LUZP2: variants seen among roughly 807,000 people sequenced by gnomAD.
The protein encoded by LUZP2 is leucine zipper protein 2.
A neutral mutation model predicts 51.6 loss-of-function variants in LUZP2; 52 were observed. The ratio of observed to expected loss-of-function variants is 1.01; its 90% CI spans 0.81 to 1.27. The LOEUF (loss-of-function observed/expected upper bound fraction) is 1.27, where lower values mean the gene tolerates loss of function less well. Among genes scored for constraint, LUZP2 ranks in the 50% most tolerant of loss-of-function variants. The pLI is 0.00. For synonymous variants in LUZP2, 154 were observed against 137.3 expected (o/e 1.12, Z -0.85); for missense variants, 436 against 395.4 (o/e 1.10, Z -0.87).
rs775736788 is a variant in LUZP2 at position 24,897,905 on chromosome 11, G to A, written c.397-8086G>A. Among the ~76,000 whole-genome samples, 66 of 151,984 alleles carry A rather than the reference G, an allele frequency of 4.3e-4. 1 individual carries two copies. Among genetic ancestry groups the A allele is most frequent in the South Asian group, 1.9e-3 (9 of 4,812 alleles). On this transcript the variant is annotated intron_variant, in intron 5 of 11. Transcript: ENST00000336930. ...TTCCTTTTGCCTTGCCTTTAACATG[G>A]ATTCCTACGCTTTCTGGAAGAGAAT...
chr11:24,904,924 A>T (rs145691410), intron 5 of LUZP2, among the ~76,000 whole-genome samples: 2 of 152,210 alleles, frequency 1.3e-5, no homozygotes, highest in Admixed American at 6.5e-5. Flanking sequence ...GGAAAAAGAT[A>T]TTCCATGCAA....
chr11:24,498,848 A>C (rs972988191), intron 1 of LUZP2, among the ~76,000 whole-genome samples: 1 of 152,220 alleles, frequency 6.6e-6, no homozygotes, highest in Admixed American at 6.5e-5. Context: ...AAATAATAGG[A>C]AATATTTAAA....
At chr11:24,870,490 G>GACACAC (rs202205920) in intron 5 of LUZP2, among the ~76,000 whole-genome samples, 28,104 of 145,586 alleles carry the variant, frequency 0.19, 2,777 homozygotes, top group South Asian at 0.24. Context: ...CACACACACA[G>GACACAC]ACACACACAC....
At chr11:24,877,383 GA>G (rs993495770) in intron 5 of LUZP2, among the ~76,000 whole-genome samples, 1 of 151,630 alleles carries the variant, frequency 6.6e-6, no homozygotes, top group Admixed American at 6.6e-5. Flanking sequence ...AGTTGGATAA[GA>G]AAAAAATCAA....
Position 25,078,874 on chromosome 11 carries a change from TTG to T in LUZP2, c.*218_*219del. 1 of 468,250 alleles carries T rather than the reference TTG, an allele frequency of 2.1e-6. No individual in the cohort carries two copies. Among genetic ancestry groups the T allele is most frequent in the East Asian group, 4.0e-5 (1 of 24,772 alleles). 29.0% of individuals were successfully genotyped at this position (468,250 alleles called of 1,614,324 possible). On this transcript the variant is annotated 3_prime_UTR_variant, in exon 12 of 12. Coordinates refer to ENST00000336930, the MANE Select transcript of LUZP2 (RefSeq NM_001009909.4). ...TTGAATACCCACAGTCAGAAATATT[TTG>T]TTGTCAACAGTAAATTGTCCCATAT... is the stretch of plus-strand genomic sequence containing the variant.
chr11:24,560,337 A>G (rs1258188831), intron 1 of LUZP2, among the ~76,000 whole-genome samples: 1 of 152,194 alleles, frequency 6.6e-6, no homozygotes, highest in Non-Finnish European at 1.5e-5. Flanking sequence ...TTTAAAACAT[A>G]TTGTATAAAG....
At chr11:24,533,585 A>T (rs1469623294) in intron 1 of LUZP2, among the ~76,000 whole-genome samples, 1 of 151,226 alleles carries the variant, frequency 6.6e-6, no homozygotes. Flanking sequence ...TGTTCTCCTG[A>T]TATAAAGCAT....
chr11:24,804,932 C>A (rs902276530), intron 5 of LUZP2, among the ~76,000 whole-genome samples: 16 of 151,890 alleles, frequency 1.1e-4, no homozygotes, highest in Admixed American at 7.9e-4. Flanking sequence ...CTCTGCCTCC[C>A]AGGTTCAATC....
chr11:24,996,660 G>A (rs534256157), intron 9 of LUZP2, among the ~76,000 whole-genome samples: 2 of 145,084 alleles, frequency 1.4e-5, no homozygotes, highest in African/African-American at 5.3e-5. Context: ...GGGTGCATGT[G>A]CACAATGTGA....
At chr11:24,677,983 G>A (rs1044182172) in intron 1 of LUZP2, among the ~76,000 whole-genome samples, 13 of 144,294 alleles carry the variant, frequency 9.0e-5, no homozygotes, top group African/African-American at 3.3e-4. Context: ...CTTGCAGTGA[G>A]CCAAGATAGT....
chr11:24,521,125 C>T (rs536414614), intron 1 of LUZP2, among the ~76,000 whole-genome samples: 26 of 152,106 alleles, frequency 1.7e-4, no homozygotes, highest in Middle Eastern at 3.4e-3. Flanking sequence ...CCAAGGTGTG[C>T]GGATCACCTG....
chr11:24,603,369 C>T (rs1292019089), intron 1 of LUZP2, among the ~76,000 whole-genome samples: 1 of 151,808 alleles, frequency 6.6e-6, no homozygotes, highest in African/African-American at 2.4e-5. Flanking sequence ...AGGTTTAATT[C>T]ATTAACTTCC....
chr11:24,660,800 AT>A (rs200270885), intron 1 of LUZP2, among the ~76,000 whole-genome samples: 2 of 149,504 alleles, frequency 1.3e-5, no homozygotes, highest in Non-Finnish European at 1.5e-5. Context: ...TCCAAACCTT[AT>A]TTTTTTTTTA....
intron 1 of LUZP2, among the ~76,000 whole-genome samples, chr11:24,630,669 C>T (rs1854850094): frequency 8.2e-6 from 1 of 122,530 alleles, no homozygotes; most frequent in Admixed American, 8.6e-5. Flanking sequence ...TTTGGCTATT[C>T]CGACTTTTTT....
chr11:24,936,473 A>G (rs780858233), intron 7 of LUZP2, among the ~76,000 whole-genome samples: 1 of 152,160 alleles, frequency 6.6e-6, no homozygotes, highest in Non-Finnish European at 1.5e-5. Context: ...ATAGAGGCTT[A>G]TCTCCTCAAA....
chr11:24,714,332 G>T (rs942452201), intron 1 of LUZP2, among the ~76,000 whole-genome samples: 3 of 151,944 alleles, frequency 2.0e-5, no homozygotes, highest in Non-Finnish European at 2.9e-5. Flanking sequence ...AAAACAAAAA[G>T]AAAATATGCT....
At chr11:24,815,571 T>C (rs2134145670) in intron 5 of LUZP2, among the ~76,000 whole-genome samples, 1 of 152,278 alleles carries the variant, frequency 6.6e-6, no homozygotes, top group Non-Finnish European at 1.5e-5. Flanking sequence ...AGTGGACTGA[T>C]TCTAGAAGAT....
chr11:24,647,155 A>C (rs1168826026), intron 1 of LUZP2, among the ~76,000 whole-genome samples: 1 of 152,018 alleles, frequency 6.6e-6, no homozygotes, highest in Non-Finnish European at 1.5e-5. Context: ...GCTTATCCTC[A>C]TCACATGGCA....
At chr11:24,691,685 T>C (rs2133889811) in intron 1 of LUZP2, among the ~76,000 whole-genome samples, 1 of 152,188 alleles carries the variant, frequency 6.6e-6, no homozygotes, top group Admixed American at 6.6e-5. Context: ...AGTACCATTG[T>C]ATTAGAAAGA....
Sources: gnomAD v4.1 joint callset for allele counts (sites outside exome capture counted in the v4.1 genomes callset) on GRCh38, gnomAD v4.1.1 for gene constraint, MANE v1.5 for transcripts, NCBI Gene and HGNC (gene_info 2026-07-23, HGNC 2026-07-21) for gene names.